QTGAL: variants seen among roughly 807,000 people sequenced by gnomAD.
The protein encoded by QTGAL is BGnT-like protein 1.
the QTGAL span, among the ~76,000 whole-genome samples, chr17:83,012,927 C>G: frequency 6.6e-6 from 1 of 151,692 alleles, no homozygotes; most frequent in Non-Finnish European, 1.5e-5. Flanking sequence ...GCCCCCCGTC[C>G]CACCCGACAA....
At chr17:83,008,103 T>TCTCAAGAGGAGG in the QTGAL span, among the ~76,000 whole-genome samples, 2 of 152,196 alleles carry the variant, frequency 1.3e-5, no homozygotes, top group African/African-American at 2.4e-5. Context: ...AGAGGTGCGC[T>TCTCAAGAGGAGG]ATGCGCTTAA....
chr17:82,950,459 G>C, the QTGAL span, among the ~76,000 whole-genome samples: 1 of 152,176 alleles, frequency 6.6e-6, no homozygotes, highest in African/African-American at 2.4e-5. Flanking sequence ...ATCCTGAAGA[G>C]GCTGTTTCTG....
At chr17:82,989,695 T>G in the QTGAL span, among the ~76,000 whole-genome samples, 73 of 152,066 alleles carry the variant, frequency 4.8e-4, no homozygotes, top group African/African-American at 1.7e-3. Flanking sequence ...CTTTGTGGAG[T>G]CGAATTTGCA....
the QTGAL span, among the ~76,000 whole-genome samples, chr17:83,008,954 C>A: frequency 1.3e-5 from 2 of 152,160 alleles, no homozygotes; most frequent in Non-Finnish European, 2.9e-5. Context: ...CTTCCTGACC[C>A]ACAAAGACGG....
At chr17:82,952,757 A>G in the QTGAL span, among the ~76,000 whole-genome samples, 1 of 152,252 alleles carries the variant, frequency 6.6e-6, no homozygotes, top group Non-Finnish European at 1.5e-5. Flanking sequence ...CATTCTTCTC[A>G]GCACCACACA....
chr17:82,979,898 C>A, the QTGAL span, among the ~76,000 whole-genome samples: 5 of 152,178 alleles, frequency 3.3e-5, no homozygotes, highest in African/African-American at 4.8e-5. Flanking sequence ...TGGACTAGAA[C>A]AAAGTCCAGG....
At chr17:83,028,404 G>A in the QTGAL span, among the ~76,000 whole-genome samples, 2 of 150,726 alleles carry the variant, frequency 1.3e-5, no homozygotes, top group Middle Eastern at 3.2e-3. Flanking sequence ...GGCGCCTGTA[G>A]TCCCAGCTAC....
the QTGAL span, among the ~76,000 whole-genome samples, chr17:82,952,893 C>T: frequency 6.6e-6 from 1 of 151,654 alleles, no homozygotes; most frequent in Admixed American, 6.6e-5. Flanking sequence ...ATTAAGAAAC[C>T]CAAAATCGCA....
the QTGAL span, among the ~76,000 whole-genome samples, chr17:83,044,787 T>C: frequency 1.3e-5 from 2 of 152,034 alleles, no homozygotes; most frequent in Non-Finnish European, 2.9e-5. Context: ...CTACTAGAAA[T>C]ACAAAAAAAT....
the QTGAL span, chr17:82,978,827 G>C: frequency 6.6e-6 from 1 of 152,184 alleles, no homozygotes; most frequent in Admixed American, 6.5e-5. This position sits in a 1 kb window ranked among gnomAD's most constrained non-coding sequence, Gnocchi z 4.8. Flanking sequence ...AGGGCCTGGT[G>C]AGTCTTCTCC....
At chr17:82,980,284 C>T in the QTGAL span, among the ~76,000 whole-genome samples, 10 of 152,168 alleles carry the variant, frequency 6.6e-5, no homozygotes, top group African/African-American at 2.4e-4. Flanking sequence ...GAAGCCCCCA[C>T]GTAGAAAAGG....
At chr17:83,031,481 G>A in the QTGAL span, among the ~76,000 whole-genome samples, 6 of 147,372 alleles carry the variant, frequency 4.1e-5, no homozygotes, top group South Asian at 2.1e-4. Flanking sequence ...ACGGCTGCCC[G>A]AGCACCCACG....
the QTGAL span, among the ~76,000 whole-genome samples, chr17:82,974,199 G>C: frequency 6.6e-6 from 1 of 152,202 alleles, no homozygotes; most frequent in African/African-American, 2.4e-5. Flanking sequence ...GTCCTCCCTG[G>C]CTCCTCATCA....
At chr17:83,035,572 TC>T in the QTGAL span, among the ~76,000 whole-genome samples, 1 of 152,008 alleles carries the variant, frequency 6.6e-6, no homozygotes, top group Admixed American at 6.6e-5. Flanking sequence ...GAGACAATAT[TC>T]CACCTTTGGT....
chr17:82,976,492 G>A, the QTGAL span, among the ~76,000 whole-genome samples: 85 of 63,016 alleles, frequency 1.3e-3, no homozygotes, highest in East Asian at 2.0e-3. Flanking sequence ...CCTCCCAGGG[G>A]CCAGAGGCCA....
the QTGAL span, among the ~76,000 whole-genome samples, chr17:82,951,738 G>C: frequency 1.3e-5 from 2 of 149,942 alleles, no homozygotes; most frequent in African/African-American, 4.9e-5. Flanking sequence ...AGAGTCCACT[G>C]TGGGGTTATT....
chr17:82,994,247 C>G, the QTGAL span, among the ~76,000 whole-genome samples: 1 of 151,866 alleles, frequency 6.6e-6, no homozygotes, highest in Non-Finnish European at 1.5e-5. Flanking sequence ...AATTGATAAA[C>G]TTTTAGCCAG....
the QTGAL span, among the ~76,000 whole-genome samples, chr17:83,021,205 G>A: frequency 6.6e-6 from 1 of 152,096 alleles, no homozygotes; most frequent in Admixed American, 6.6e-5. Flanking sequence ...CACTGTACTG[G>A]AGGTCCTAGT....
the QTGAL span, among the ~76,000 whole-genome samples, chr17:82,966,724 G>A: frequency 1.3e-5 from 2 of 152,160 alleles, no homozygotes; most frequent in South Asian, 4.1e-4. Flanking sequence ...ACACAAAAGA[G>A]GCAACGAGCT....
Sources: allele counts gnomAD v4.1 joint callset (sites outside exome capture counted in the v4.1 genomes callset), GRCh38; gene constraint gnomAD v4.1.1; non-coding constraint Gnocchi (gnomAD v3.1); transcripts MANE v1.5; gene names NCBI Gene and HGNC (gene_info 2026-07-23, HGNC 2026-07-21).